The following ADAMTS17 variants were observed in gnomAD, a reference collection of about 807,000 sequenced individuals.
ADAMTS17 encodes the protein ADAM metallopeptidase with thrombospondin type 1 motif 17.
Under a neutral mutation model 141.5 loss-of-function variants are expected in ADAMTS17, and 113 were observed. The observed-to-expected ratio is 0.80, with a 90% CI of 0.69 to 0.93. The LOEUF (loss-of-function observed/expected upper bound fraction) is 0.93, where lower values mean the gene tolerates loss of function less well. ADAMTS17 is among the 40% of genes least tolerant of loss of function. ADAMTS17 has a pLI of 0.00. For missense variants in ADAMTS17, 1,659 were observed against 1,517.9 expected (o/e 1.09, Z -1.54); for synonymous variants, 768 against 630.6 (o/e 1.22, Z -3.27).
intron 3 of ADAMTS17, among the ~76,000 whole-genome samples, chr15:100,301,688 C>A (rs1182749922): frequency 6.6e-6 from 1 of 152,026 alleles, no homozygotes; most frequent in Non-Finnish European, 1.5e-5. Flanking sequence ...GGCTATTCTA[C>A]TAGTAAATTA....
At chr15:100,046,370 G>C (rs973603098) in intron 18 of ADAMTS17, among the ~76,000 whole-genome samples, 2 of 152,176 alleles carry the variant, frequency 1.3e-5, no homozygotes, top group African/African-American at 4.8e-5. Flanking sequence ...AGGCGGAGTA[G>C]ACTGGCCCAC....
At position 99,974,144 on chromosome 15, in the gene ADAMTS17, G is replaced by C. The variant is rs1343126782; in HGVS notation, c.*258C>G. The C allele has an allele frequency of 3.7e-6, 2 of 545,410 alleles. No individual in the cohort carries two copies. Among genetic ancestry groups the C allele is most frequent in the African/African-American group, 3.8e-5 (2 of 52,568 alleles). The allele number at this position is 545,410 out of a possible 1,614,324, so 33.8% of individuals were successfully genotyped here. On this transcript the variant is annotated 3_prime_UTR_variant, in exon 22 of 22. Transcript: ENST00000268070. ...GTCTGCCAGAGGTGCTTCCCTTCGA[G>C]GTACCTGAAATCCTAGAAATTGAAG...
At chr15:100,036,384 C>T (rs1469743626) in intron 18 of ADAMTS17, among the ~76,000 whole-genome samples, 1 of 152,174 alleles carries the variant, frequency 6.6e-6, no homozygotes, top group African/African-American at 2.4e-5. Context: ...TAAAGGCAGC[C>T]ACTAAACAAG....
At chr15:100,060,383 G>A (rs969780764) in intron 15 of ADAMTS17, among the ~76,000 whole-genome samples, 4 of 152,106 alleles carry the variant, frequency 2.6e-5, no homozygotes, top group Non-Finnish European at 4.4e-5. Flanking sequence ...CGTCCATTTC[G>A]GTCTCTGGCC....
At chr15:100,254,804 T>C (rs2043270187) in intron 6 of ADAMTS17, among the ~76,000 whole-genome samples, 1 of 152,046 alleles carries the variant, frequency 6.6e-6, no homozygotes, top group East Asian at 1.9e-4. Context: ...TGAGAACACA[T>C]GGACACATGG....
chr15:100,036,074 C>T (rs1437137534), intron 18 of ADAMTS17, among the ~76,000 whole-genome samples: 1 of 152,116 alleles, frequency 6.6e-6, no homozygotes. Flanking sequence ...CTCGGGATGG[C>T]TTTTCTATGA....
chr15:99,978,179 G>A (rs1472268769), intron 20 of ADAMTS17, among the ~76,000 whole-genome samples: 1 of 152,172 alleles, frequency 6.6e-6, no homozygotes, highest in Non-Finnish European at 1.5e-5. Flanking sequence ...TCCAGACACA[G>A]GCTGCGTGGG....
chr15:100,163,745 T>C (rs1292772567), intron 8 of ADAMTS17, among the ~76,000 whole-genome samples: 4 of 152,156 alleles, frequency 2.6e-5, no homozygotes, highest in African/African-American at 7.2e-5. Flanking sequence ...ACAGACACAG[T>C]TGAATATGGT....
At chr15:100,174,893 A>T (rs1270731829) in intron 8 of ADAMTS17, among the ~76,000 whole-genome samples, 1 of 152,214 alleles carries the variant, frequency 6.6e-6, no homozygotes, top group African/African-American at 2.4e-5. Context: ...TTTCCACAAA[A>T]TCTCATCTGA....
intron 3 of ADAMTS17, among the ~76,000 whole-genome samples, chr15:100,321,769 T>C (rs544006602): frequency 6.6e-6 from 1 of 152,082 alleles, no homozygotes; most frequent in Admixed American, 6.5e-5. Context: ...TTTTAATATA[T>C]CTCTAAAACA....
chr15:100,140,458 CACACACACACAG>C (rs918637241), intron 10 of ADAMTS17, among the ~76,000 whole-genome samples: 3 of 137,030 alleles, frequency 2.2e-5, no homozygotes, highest in African/African-American at 8.0e-5. Flanking sequence ...CCAAGACACA[CACACACACACAG>C]ACACACACAC....
chr15:100,152,244 G>A (rs2039202980), intron 10 of ADAMTS17, among the ~76,000 whole-genome samples: 2 of 152,138 alleles, frequency 1.3e-5, no homozygotes, highest in Non-Finnish European at 2.9e-5. Flanking sequence ...ACAGTGTCCT[G>A]CGTCTCTAGT....
chr15:100,112,643 C>T (rs993573850), intron 13 of ADAMTS17, among the ~76,000 whole-genome samples: 2 of 152,250 alleles, frequency 1.3e-5, no homozygotes, highest in East Asian at 3.9e-4. Context: ...CACAGAAGAT[C>T]ACATTTTCTT....
intron 7 of ADAMTS17, among the ~76,000 whole-genome samples, chr15:100,212,960 T>A (rs865937265): frequency 1.3e-5 from 2 of 152,024 alleles, no homozygotes; most frequent in Non-Finnish European, 2.9e-5. Context: ...GAGTTAAGCA[T>A]CCAATTTAAA....
chr15:100,240,097 C>T (rs751305714), intron 7 of ADAMTS17, among the ~76,000 whole-genome samples: 1 of 152,194 alleles, frequency 6.6e-6, no homozygotes, highest in Non-Finnish European at 1.5e-5. Flanking sequence ...ATCCAATCAT[C>T]ACTGTACTCA....
intron 18 of ADAMTS17, among the ~76,000 whole-genome samples, chr15:99,999,427 C>A (rs2060873154): frequency 1.3e-5 from 2 of 152,040 alleles, no homozygotes; most frequent in African/African-American, 4.8e-5. Context: ...CTCAGGAGAG[C>A]CTGGGAGGAA....
intron 18 of ADAMTS17, among the ~76,000 whole-genome samples, chr15:100,043,927 T>C (rs2031472006): frequency 6.6e-6 from 1 of 152,252 alleles, no homozygotes; most frequent in African/African-American, 2.4e-5. Context: ...TTATCTATCG[T>C]AGGCTTAGCA....
chr15:100,270,612 A>G (rs1596406035), intron 4 of ADAMTS17, among the ~76,000 whole-genome samples: 1 of 151,444 alleles, frequency 6.6e-6, no homozygotes, highest in Non-Finnish European at 1.5e-5. Context: ...TGACTACACA[A>G]ATATTTCTGG....
At chr15:100,143,680 G>T (rs1410810319) in intron 10 of ADAMTS17, among the ~76,000 whole-genome samples, 1 of 152,178 alleles carries the variant, frequency 6.6e-6, no homozygotes, top group Non-Finnish European at 1.5e-5. Context: ...CAGACATTCA[G>T]TGGTGATAGT....
Sources: allele counts gnomAD v4.1 joint callset (sites outside exome capture counted in the v4.1 genomes callset), GRCh38; gene constraint gnomAD v4.1.1; transcripts MANE v1.5; gene names NCBI Gene and HGNC (gene_info 2026-07-23, HGNC 2026-07-21).